The following GLI3 variants were observed in gnomAD, a reference collection of about 807,000 sequenced individuals.
GLI3 encodes GLI family zinc finger 3.
A neutral mutation model predicts 100.8 loss-of-function variants in GLI3; 20 were observed. That is an observed-to-expected ratio of 0.20 (90% confidence interval 0.14 to 0.29). The LOEUF (loss-of-function observed/expected upper bound fraction) is 0.29. Among genes scored for constraint, GLI3 ranks in the 10% least tolerant of loss-of-function variants. The probability of loss-of-function intolerance (pLI) is 1.00; values close to 1 mark genes in which losing one functional copy is unlikely to be tolerated. For synonymous variants in GLI3, 938 were observed against 860.5 expected (o/e 1.09, Z -1.58); for missense variants, 2,040 against 2,128.5 (o/e 0.96, Z 0.82).
intron 3 of GLI3, among the ~76,000 whole-genome samples, chr7:42,093,379 CA>C (rs545971639): frequency 0.26 from 26,670 of 102,632 alleles, 2,638 homozygotes; most frequent in Admixed American, 0.39. Flanking sequence ...AACAATGTCT[CA>C]AAAAAAAAAA....
intron 7 of GLI3, among the ~76,000 whole-genome samples, chr7:42,031,215 T>C (rs1789285844): frequency 6.6e-6 from 1 of 152,264 alleles, no homozygotes; most frequent in African/African-American, 2.4e-5. Flanking sequence ...TCTGTTATTA[T>C]TTCTAAAATT....
intron 3 of GLI3, among the ~76,000 whole-genome samples, chr7:42,115,156 T>TTTGGG (rs397935352): frequency 7.4e-6 from 1 of 135,264 alleles, no homozygotes; most frequent in Non-Finnish European, 1.5e-5. Flanking sequence ...TTTTTTTTTT[T>TTTGGG]GAGACGGAGT....
chr7:42,236,311 TTG>T (rs1788791901), intron 1 of GLI3, among the ~76,000 whole-genome samples: 1 of 152,156 alleles, frequency 6.6e-6, no homozygotes, highest in South Asian at 2.1e-4. Context: ...CACGGTTACT[TTG>T]TGTGTCTGTG....
intron 4 of GLI3, among the ~76,000 whole-genome samples, chr7:42,071,880 G>A (rs1157919755): frequency 6.6e-6 from 1 of 152,148 alleles, no homozygotes; most frequent in Non-Finnish European, 1.5e-5. Context: ...GAGGTGAAGG[G>A]AGGTGGCCAC....
chr7:42,148,399 A>C lies in GLI3; in HGVS notation c.194T>G (p.Val65Gly), dbSNP rs1786775093. The stretch of plus-strand genomic sequence containing the variant: ...CTCACTGACTTTGCTGAGCCCCTGG[A>C]CATTCTGTGGCTGCATAGTGATTGC... ...RNAITMQPQN[V>G]QGLSKVSEEP... The change falls in exon 3 of 15, where the codon GTC becomes GGC. Residue 65 changes from valine (V) to glycine (G), a missense_variant. Around this residue, in one of 5 missense-constraint regions of GLI3, gnomAD observed 603 missense variants for 690.9 expected, o/e 0.87. Coordinates refer to ENST00000395925, the MANE Select transcript of GLI3 (RefSeq NM_000168.6). 1 of 1,613,962 alleles carries C rather than the reference A, an allele frequency of 6.2e-7. No individual in the cohort carries two copies. The highest frequency in any genetic ancestry group is 1.1e-5 in the South Asian group (1 of 91,088).
intron 3 of GLI3, 99 bp downstream of exon 3, chr7:42,148,127 T>C (rs1393866093): frequency 8.1e-7 from 1 of 1,237,132 alleles, no homozygotes; most frequent in Non-Finnish European, 1.1e-6. Context: ...CAAAACTTCA[T>C]AAAGCGCGCA....
rs540441509 is a variant in GLI3, at chr7:41,974,780, G to C, written c.1813-2153C>G. On this transcript the variant is annotated intron_variant, in intron 12 of 14. Coordinates refer to ENST00000395925, the MANE Select transcript of GLI3 (RefSeq NM_000168.6). ...TACCAGGATGCATGGAACATAGTAA[G>C]CACTCAATATACAGAGCTTTTATTA... Among the ~76,000 whole-genome samples the C allele has an allele frequency of 4.6e-5, 7 of 152,334 alleles. No individual in the cohort carries two copies. In the South Asian group the frequency reaches 1.5e-3, roughly 32 times the overall value.
chr7:42,137,411 A>C (rs1786454892), intron 3 of GLI3, among the ~76,000 whole-genome samples: 1 of 151,516 alleles, frequency 6.6e-6, no homozygotes, highest in African/African-American at 2.4e-5. Flanking sequence ...CTACTGTCCC[A>C]ACCCCTGGCC....
intron 2 of GLI3, among the ~76,000 whole-genome samples, chr7:42,171,805 T>C (rs547533524): frequency 6.6e-6 from 1 of 152,282 alleles, no homozygotes; most frequent in East Asian, 1.9e-4. Context: ...ATAGTGGAGG[T>C]TGAAAATACA....
Position 42,159,734 on chromosome 7 carries a change from T to C in GLI3, c.125-11266A>G, listed in dbSNP as rs536176311. On this transcript the variant is annotated intron_variant, in intron 2 of 14. Coordinates refer to ENST00000395925, the MANE Select transcript of GLI3 (RefSeq NM_000168.6). ...GGAGCTGGAGCAAAAAAGACCTAAATAAATAAATAATAAACGTGCATGGGC... is the reference window on the plus strand; with the variant it reads ...GGAGCTGGAGCAAAAAAGACCTAAACAAATAAATAATAAACGTGCATGGGC... Among the ~76,000 whole-genome samples the C allele has an allele frequency of 2.2e-4, 34 of 152,210 alleles. 1 individual carries two copies. The South Asian group carries it at 6.6e-3, about 30-fold the overall frequency.
chr7:42,057,530 T>G (rs1398293457), intron 4 of GLI3, among the ~76,000 whole-genome samples: 1 of 152,208 alleles, frequency 6.6e-6, no homozygotes, highest in Non-Finnish European at 1.5e-5. Context: ...CAAAGAGTCA[T>G]AGCAGCATTA....
intron 6 of GLI3, 64 bp downstream of exon 6, chr7:42,045,320 T>C (rs1722048434): frequency 4.2e-6 from 6 of 1,432,376 alleles, no homozygotes; most frequent in Admixed American, 3.3e-5. Flanking sequence ...TGTATCTTCT[T>C]CTCTGTTTCA....
Position 41,965,029 on chromosome 7 carries a change from A to C in GLI3, c.4044T>G (p.Ile1348Met). ...AGATGTTGATGTGTGAGGTAGCACTAATCTGCCCAAGCATCTGCTGACCGG... is the reference window on the plus strand; with the variant it reads ...AGATGTTGATGTGTGAGGTAGCACTCATCTGCCCAAGCATCTGCTGACCGG... Reference protein sequence around the residue: ...GRPGQQMLGQISATSHINIYQ... With the variant: ...GRPGQQMLGQMSATSHINIYQ... Residue 1348 changes from isoleucine to methionine, a missense_variant, in exon 15 of 15, where the codon ATT becomes ATG. Ile to Met is a conservative substitution (Grantham distance 10). This residue lies in a region of GLI3 where 1,041 missense variants were observed against 924.0 expected (regional missense o/e 1.13). Transcript: ENST00000395925. The C allele has an allele frequency of 6.2e-7, 1 of 1,613,866 alleles. No homozygotes were observed. The highest frequency in any genetic ancestry group is 1.7e-5 in the Admixed American group (1 of 60,034).
chr7:42,051,085 C>T (rs1384449198), intron 4 of GLI3, among the ~76,000 whole-genome samples: 10 of 152,194 alleles, frequency 6.6e-5, no homozygotes, highest in South Asian at 2.1e-4. Context: ...CAGCTTCCCA[C>T]GAGTGAGGCT....
chr7:42,214,902 T>C (rs1468452), intron 2 of GLI3, among the ~76,000 whole-genome samples: 130,344 of 150,688 alleles, frequency 0.86, 56,452 homozygotes, highest in Middle Eastern at 0.93. Flanking sequence ...AGCAGATGCT[T>C]TAGGTTGTAG....
At chr7:42,020,406 C>G (rs1224405859) in intron 10 of GLI3, among the ~76,000 whole-genome samples, 1 of 152,062 alleles carries the variant, frequency 6.6e-6, no homozygotes, top group African/African-American at 2.4e-5. Flanking sequence ...CACCCTATTC[C>G]CCGGAAGGAT....
intron 2 of GLI3, among the ~76,000 whole-genome samples, chr7:42,164,608 A>C (rs989021895): frequency 1.8e-4 from 28 of 152,278 alleles, no homozygotes; most frequent in Non-Finnish European, 2.4e-4. Flanking sequence ...AGGCAGGCGG[A>C]TCATGGGGTC....
At chr7:42,062,528 C>T (rs1375907872) in intron 4 of GLI3, among the ~76,000 whole-genome samples, 1 of 152,060 alleles carries the variant, frequency 6.6e-6, no homozygotes, top group Non-Finnish European at 1.5e-5. Context: ...ACCACGTAGC[C>T]TTGCAAAAGG....
At chr7:41,990,952 C>A (rs1055318684) in intron 10 of GLI3, among the ~76,000 whole-genome samples, 5 of 151,460 alleles carry the variant, frequency 3.3e-5, no homozygotes, top group Admixed American at 3.3e-4. Context: ...GTCTCAAGAA[C>A]TACTGGAAGA....
Sources: allele counts gnomAD v4.1 joint callset (sites outside exome capture counted in the v4.1 genomes callset), GRCh38; gene constraint gnomAD v4.1.1; regional missense constraint gnomAD v4.1.1; transcripts MANE v1.5; gene names NCBI Gene and HGNC (gene_info 2026-07-23, HGNC 2026-07-21).